Variants in DMD observed in about 807,000 individuals in gnomAD.
DMD encodes dystrophin, also known as mutant dystrophin.
In DMD, 63 loss-of-function variants were observed where a neutral mutation model predicts 330.1. The observed-to-expected ratio is 0.19, with a 90% CI of 0.16 to 0.24. The LOEUF (loss-of-function observed/expected upper bound fraction) is 0.24. DMD is among the 10% of genes least tolerant of loss of function. DMD has a pLI of 1.00. For synonymous variants in DMD, 1,223 were observed against 959.8 expected (o/e 1.27, Z -5.07); for missense variants, 3,344 against 2,684.1 (o/e 1.25, Z -5.43).
chrX:31,666,608 T>C (rs986516043), intron 53 of DMD, among the ~76,000 whole-genome samples: 1 of 111,934 alleles, frequency 8.9e-6, no homozygotes, highest in Non-Finnish European at 1.9e-5. Context: ...TAGAATAAAC[T>C]AGTATAATGA....
chrX:31,974,327 CTGTT>C (rs2150220229), intron 44 of DMD, among the ~76,000 whole-genome samples: 1 of 111,038 alleles, frequency 9.0e-6, no homozygotes, highest in East Asian at 2.8e-4. Context: ...ACTATGCTCA[CTGTT>C]TGGGTGATGA....
chrX:32,870,678 G>T (rs1445414428), intron 2 of DMD, among the ~76,000 whole-genome samples: 3 of 110,607 alleles, frequency 2.7e-5, no homozygotes, highest in Admixed American at 9.6e-5. Flanking sequence ...ATGGGGAAAG[G>T]ATTCCCTATT....
chrX:33,169,630 A>G (rs1415089491), intron 1 of DMD, among the ~76,000 whole-genome samples: 2 of 111,922 alleles, frequency 1.8e-5, no homozygotes, highest in African/African-American at 6.5e-5. Context: ...TTATTTACCA[A>G]TTACTGACAT....
rs1349711390 is a variant in DMD at position 33,008,793 on chromosome X, C to CGTATATATACGTATATATGT, written c.93+11345_93+11346insACATATATACGTATATATAC. Among the ~76,000 whole-genome samples the CGTATATATACGTATATATGT allele has an allele frequency of 7.2e-3, 377 of 52,583 alleles. 11 individuals carry two copies. The highest frequency in any genetic ancestry group is 0.026 in the African/African-American group (347 of 13,413). 45.7% of individuals were successfully genotyped at this position (52,583 alleles called of 115,157 possible). On this transcript the variant is annotated intron_variant, in intron 2 of 78. Coordinates refer to ENST00000357033, the MANE Select transcript of DMD (RefSeq NM_004006.3). ...TTATAACCTAAAACAACTATATATA[C>CGTATATATACGTATATATGT]GTATATATACGTATATATACACATA...
At chrX:31,138,665 GAGAGAGAGAGAGAGAGAGA>G (rs2035605132) in intron 76 of DMD, among the ~76,000 whole-genome samples, 2 of 92,113 alleles carry the variant, frequency 2.2e-5, no homozygotes, top group African/African-American at 4.3e-5. Flanking sequence ...GAGAGAGAGA[GAGAGAGAGAGAGAGAGAGA>G]GAGAAGGGGG....
At chrX:31,517,541 T>C (rs969850662) in intron 55 of DMD, among the ~76,000 whole-genome samples, 1 of 111,476 alleles carries the variant, frequency 9.0e-6, no homozygotes, top group African/African-American at 3.3e-5. Context: ...CTGTAGCTTC[T>C]TGTGTAAAGG....
chrX:31,866,169 C>T (rs1172456685), intron 48 of DMD, among the ~76,000 whole-genome samples: 1 of 111,501 alleles, frequency 9.0e-6, no homozygotes, highest in Non-Finnish European at 1.9e-5. Context: ...TCCCTTAAAT[C>T]CTTCAGCATA....
intron 2 of DMD, among the ~76,000 whole-genome samples, chrX:33,009,190 A>G (rs777491512): frequency 2.6e-5 from 1 of 39,099 alleles, no homozygotes; most frequent in Non-Finnish European, 4.4e-5. Flanking sequence ...ATACGTATAT[A>G]TGTATATATG....
At chrX:31,357,377 C>G (rs368771941) in intron 60 of DMD, among the ~76,000 whole-genome samples, 1 of 97,940 alleles carries the variant, frequency 1.0e-5, no homozygotes, top group Admixed American at 1.1e-4. Flanking sequence ...TGGTATTGTC[C>G]GAAAAAAAAA....
In DMD at chrX:32,571,420, C is replaced by T. The variant is rs887882718; in HGVS notation, c.1812+2110G>A. ...ACTTTTTTGAAATCTTTATTCTCCT[C>T]ACTTTTGTGATACCACTTTCCCCTT... On this transcript the variant is annotated intron_variant, in intron 15 of 78. Coordinates refer to ENST00000357033, the MANE Select transcript of DMD (RefSeq NM_004006.3). 6.3e-5 allele frequency among the ~76,000 whole-genome samples: 7 copies of T among 111,726 alleles called. No individual in the cohort carries two copies. The Admixed American group carries it at 6.7e-4, about 11-fold the overall frequency.
At chrX:32,909,682 A>G (rs1402182668) in intron 2 of DMD, among the ~76,000 whole-genome samples, 2 of 111,976 alleles carry the variant, frequency 1.8e-5, no homozygotes, top group Non-Finnish European at 3.8e-5. Context: ...AAAAAGCAGT[A>G]CACACATCCA....
At chrX:33,305,517 C>T (rs1435187049) in intron 1 of DMD, among the ~76,000 whole-genome samples, 10 of 101,100 alleles carry the variant, frequency 9.9e-5, no homozygotes, top group Middle Eastern at 5.4e-3. Context: ...TGTATACATA[C>T]GTAACTAACC....
At chrX:31,755,169 C>T (rs1350614517) in intron 51 of DMD, among the ~76,000 whole-genome samples, 1 of 111,427 alleles carries the variant, frequency 9.0e-6, no homozygotes, top group East Asian at 2.8e-4. Flanking sequence ...AGAGGCCTTG[C>T]TAATGAGCAA....
At chrX:31,900,949 G>A (rs1434854268) in intron 47 of DMD, among the ~76,000 whole-genome samples, 2 of 111,705 alleles carry the variant, frequency 1.8e-5, no homozygotes, top group Non-Finnish European at 3.8e-5. Flanking sequence ...TCCCCTGTGA[G>A]TGGATTATCA....
At chrX:32,212,891 G>C (rs2065136801) in intron 44 of DMD, among the ~76,000 whole-genome samples, 1 of 110,578 alleles carries the variant, frequency 9.0e-6, no homozygotes, top group Admixed American at 9.7e-5. Flanking sequence ...TCTTTTACTT[G>C]CGACAGAGGA....
intron 45 of DMD, among the ~76,000 whole-genome samples, chrX:31,954,506 G>A: frequency 9.0e-6 from 1 of 111,612 alleles, no homozygotes; most frequent in East Asian, 2.8e-4. Context: ...TAGGATGAAT[G>A]GATAAAGAAA....
At chrX:33,003,321 T>G (rs34711609) in intron 2 of DMD, among the ~76,000 whole-genome samples, 18,325 of 111,355 alleles carry the variant, frequency 0.16, 2,051 homozygotes, top group African/African-American at 0.4. Context: ...GCAAAATACA[T>G]TATTTCATTC....
At chrX:32,625,979 T>C (rs1428920768) in intron 11 of DMD, among the ~76,000 whole-genome samples, 2 of 112,419 alleles carry the variant, frequency 1.8e-5, no homozygotes, top group Admixed American at 9.4e-5. Flanking sequence ...TGATGTTCAA[T>C]TGACATGTCT....
intron 56 of DMD, among the ~76,000 whole-genome samples, chrX:31,506,511 G>A (rs2070958527): frequency 8.9e-6 from 1 of 112,283 alleles, no homozygotes; most frequent in African/African-American, 3.2e-5. Flanking sequence ...GCCCTTGCTA[G>A]ATCATTTAAG....
Sources: gnomAD v4.1 joint callset for allele counts (sites outside exome capture counted in the v4.1 genomes callset) on GRCh38, gnomAD v4.1.1 for gene constraint, MANE v1.5 for transcripts, NCBI Gene and HGNC (gene_info 2026-07-23, HGNC 2026-07-21) for gene names.